TMEM178B: variants seen among roughly 807,000 people sequenced by gnomAD.
TMEM178B encodes the protein transmembrane protein 178B.
TMEM178B carries 5 observed loss-of-function variants against 31.0 expected under a neutral mutation model. The observed-to-expected ratio is 0.16, with a 90% confidence interval of 0.08 to 0.34. TMEM178B has a LOEUF of 0.34. Among genes scored for constraint, TMEM178B ranks in the 10% least tolerant of loss-of-function variants. TMEM178B has a pLI of 1.00. For synonymous variants in TMEM178B, 164 were observed against 164.0 expected, an observed-to-expected ratio of 1.00 and a Z score of 0.00; for missense variants, 275 against 400.3, an observed-to-expected ratio of 0.69 and a Z score of 2.67.
intron 1 of TMEM178B, among the ~76,000 whole-genome samples, chr7:141,119,432 G>A (rs1290693766): frequency 6.6e-6 from 1 of 152,146 alleles, no homozygotes; most frequent in Non-Finnish European, 1.5e-5. Flanking sequence ...GCGGAACACT[G>A]ATGTGGGCTA....
At chr7:141,284,143 A>G (rs1001034674) in intron 2 of TMEM178B, among the ~76,000 whole-genome samples, 5 of 152,216 alleles carry the variant, frequency 3.3e-5, no homozygotes, top group African/African-American at 1.2e-4. Flanking sequence ...GGAAACAAGC[A>G]ACTCTCAAAG....
chr7:141,160,284 C>T (rs1796147797), intron 1 of TMEM178B, among the ~76,000 whole-genome samples: 1 of 151,992 alleles, frequency 6.6e-6, no homozygotes, highest in South Asian at 2.1e-4. Context: ...CTGTCTATAT[C>T]TTACCTTCTA....
chr7:141,205,780 A>G (rs1281246593), intron 1 of TMEM178B, among the ~76,000 whole-genome samples: 1 of 152,214 alleles, frequency 6.6e-6, no homozygotes, highest in East Asian at 1.9e-4. Context: ...CTTCTTTGAC[A>G]AGCACTTAGG....
chr7:141,260,144 T>C (rs1797989145), intron 2 of TMEM178B, among the ~76,000 whole-genome samples: 1 of 151,390 alleles, frequency 6.6e-6, no homozygotes, highest in Non-Finnish European at 1.5e-5. Context: ...TCCTCATTTA[T>C]TTGCCACCGA....
At chr7:141,480,986 A>G (rs1802464776), downstream of TMEM178B, among the ~76,000 whole-genome samples, 1 of 152,236 alleles carries the variant, frequency 6.6e-6, no homozygotes. Context: ...TAATTTACTG[A>G]TGAGACATGG....
chr7:141,416,638 C>T (rs1303826235), intron 2 of TMEM178B, among the ~76,000 whole-genome samples: 1 of 152,134 alleles, frequency 6.6e-6, no homozygotes, highest in Non-Finnish European at 1.5e-5. Flanking sequence ...AAGGCTTTGC[C>T]CAAATGTTTC....
chr7:141,128,846 C>G (rs1020969048), intron 1 of TMEM178B, among the ~76,000 whole-genome samples: 1 of 152,078 alleles, frequency 6.6e-6, no homozygotes, highest in Non-Finnish European at 1.5e-5. Context: ...TTGTCAGAAA[C>G]AAGGAGCCTT....
At chr7:141,292,634 CTTTTTTTT>C (rs34248650) in intron 2 of TMEM178B, among the ~76,000 whole-genome samples, 1 of 106,130 alleles carries the variant, frequency 9.4e-6, no homozygotes, top group African/African-American at 3.6e-5. Context: ...GCTTTTAGAT[CTTTTTTTT>C]TTTTTTTTTT....
At chr7:141,288,094 C>T (rs1422166464) in intron 2 of TMEM178B, among the ~76,000 whole-genome samples, 5 of 152,158 alleles carry the variant, frequency 3.3e-5, no homozygotes, top group African/African-American at 9.7e-5. Context: ...TGTGCCCGTG[C>T]GGTTGGGGAC....
chr7:141,336,161 A>G (rs1383106003), intron 2 of TMEM178B, among the ~76,000 whole-genome samples: 2 of 152,120 alleles, frequency 1.3e-5, no homozygotes, highest in African/African-American at 4.8e-5. Context: ...ATCCTGGGCT[A>G]CACGACTTTA....
At position 141,441,401 on chromosome 7, in the gene TMEM178B, A is replaced by G. The variant is rs180775618; in HGVS notation, c.634+3656A>G. On this transcript the variant is annotated intron_variant, in intron 3 of 3. Transcript: ENST00000565468. ...GCCATCTCATAGATAGAGCAGAGCA[A>G]TCAGCCACTCGAACCATAGAGAGTT... Among the ~76,000 whole-genome samples the G allele has an allele frequency of 1.1e-3, 173 of 152,320 alleles. No individual in the cohort carries two copies. In the East Asian group the frequency reaches 0.024, roughly 22 times the overall value.
chr7:141,163,348 C>T (rs1796207008), intron 1 of TMEM178B, among the ~76,000 whole-genome samples: 1 of 150,950 alleles, frequency 6.6e-6, no homozygotes, highest in South Asian at 2.1e-4. Context: ...ATGATATTGA[C>T]CAAAACAAGT....
chr7:141,236,691 G>C (rs923704344), intron 2 of TMEM178B, among the ~76,000 whole-genome samples: 11 of 152,120 alleles, frequency 7.2e-5, no homozygotes, highest in Non-Finnish European at 1.6e-4. Context: ...CTTGAGAGTG[G>C]GAACAGTCAA....
At chr7:141,251,707 T>C (rs1258572512) in intron 2 of TMEM178B, among the ~76,000 whole-genome samples, 1 of 152,186 alleles carries the variant, frequency 6.6e-6, no homozygotes, top group Non-Finnish European at 1.5e-5. Context: ...CCACCCCGCA[T>C]TGTACCTATT....
At chr7:141,485,366 T>A (rs566755859), downstream of TMEM178B, among the ~76,000 whole-genome samples, 1 of 152,334 alleles carries the variant, frequency 6.6e-6, no homozygotes, top group South Asian at 2.1e-4. Context: ...TGGCACCATC[T>A]GCTAGTGTTG....
intron 1 of TMEM178B, among the ~76,000 whole-genome samples, chr7:141,211,276 C>T (rs1320731814): frequency 1.3e-5 from 2 of 152,160 alleles, no homozygotes; most frequent in Non-Finnish European, 2.9e-5. Flanking sequence ...CTCTCTAGAA[C>T]GTGCCTCTTG....
chr7:141,393,897 A>G (rs1262803476), intron 2 of TMEM178B, among the ~76,000 whole-genome samples: 2 of 152,194 alleles, frequency 1.3e-5, no homozygotes, highest in Admixed American at 1.3e-4. Context: ...GGAGGAATTT[A>G]TTAGCCTAGA....
rs147274332 is a variant in TMEM178B, at chr7:141,331,522, A to G, written c.497-106086A>G. Among the ~76,000 whole-genome samples, 73 of 152,350 alleles carry G rather than the reference A, an allele frequency of 4.8e-4. 1 individual carries two copies. In the East Asian group the frequency reaches 5.2e-3, roughly 11 times the overall value. On this transcript the variant is annotated intron_variant, in intron 2 of 3. Transcript: ENST00000565468. The stretch of plus-strand genomic sequence containing the variant: ...CCTTGGAATTAGCAGCATGAAGTGC[A>G]ATGGTGAGCTTGATAAGAAGAGTTT...
intron 2 of TMEM178B, chr7:141,414,309 C>T (rs1801058663): frequency 5.3e-5 from 1 of 18,996 alleles, no homozygotes; most frequent in Non-Finnish European, 8.6e-5. Flanking sequence ...TGGTCTCGAT[C>T]TCCTGACCTT....
Sources: gnomAD v4.1 joint callset for allele counts (sites outside exome capture counted in the v4.1 genomes callset) on GRCh38, gnomAD v4.1.1 for gene constraint, MANE v1.5 for transcripts, NCBI Gene and HGNC (gene_info 2026-07-23, HGNC 2026-07-21) for gene names.